UBAP1L: variants seen among roughly 807,000 people sequenced by gnomAD.
The protein encoded by UBAP1L is ubiquitin associated protein 1 like.
A neutral mutation model predicts 32.1 loss-of-function variants in UBAP1L; 32 were observed. The ratio of observed to expected loss-of-function variants is 1.00; its 90% CI spans 0.75 to 1.34. UBAP1L has a LOEUF of 1.34. Among genes scored for constraint, UBAP1L ranks in the 40% most tolerant of loss-of-function variants. UBAP1L has a pLI of 0.00. For missense variants in UBAP1L, 516 were observed against 540.5 expected (o/e 0.95, Z 0.45); for synonymous variants, 243 against 250.2 (o/e 0.97, Z 0.27).
At chr15:65,107,099 C>T (rs939983212) in intron 1 of UBAP1L, among the ~76,000 whole-genome samples, 8 of 151,852 alleles carry the variant, frequency 5.3e-5, no homozygotes, top group Admixed American at 3.9e-4. Context: ...GACTTAACAT[C>T]CCCAAATCAA....
chr15:65,113,675 G>C (rs935959795), intron 1 of UBAP1L, among the ~76,000 whole-genome samples: 4 of 152,104 alleles, frequency 2.6e-5, no homozygotes, highest in African/African-American at 9.7e-5. Context: ...TTGAACCTGG[G>C]AGGCGAAGGT....
Position 65,102,503 on chromosome 15 carries a change from T to G in UBAP1L, c.302A>C (p.His101Pro). Residue 101 changes from histidine (H) to proline (P), a missense_variant, in exon 3 of 6, where the codon CAC (histidine) becomes CCC (proline). His to Pro is a moderately conservative substitution (Grantham distance 77, BLOSUM62 -2). Coordinates refer to ENST00000559089, the MANE Select transcript of UBAP1L (RefSeq NM_001163692.2). This position sits in a 1 kb window ranked among gnomAD's most constrained non-coding sequence, Gnocchi z 5.0. Reference protein sequence around the residue: ...PTTIRDPEAGHQERPEEEGED... With the variant: ...PTTIRDPEAGPQERPEEEGED... ...ACCCTCCTCCTCCGGCCTCTCCTGG[T>G]GTCCGGCCTCCGGGTCTCTGATTGT... The G allele has an allele frequency of 6.8e-7, 1 of 1,467,756 alleles. No homozygotes were observed. The highest frequency in any genetic ancestry group is 9.0e-7 in the Non-Finnish European group (1 of 1,108,424). 90.9% of individuals were successfully genotyped at this position (1,467,756 alleles called of 1,614,324 possible). A position where few individuals can be genotyped will look rare whatever the true frequency, so the allele number is the denominator to read the frequency against.
In UBAP1L at chr15:65,093,526, G is replaced by C. The variant is rs535804451; in HGVS notation, c.1012-295C>G. 1.9e-3 allele frequency among the ~76,000 whole-genome samples: 293 copies of C among 152,326 alleles called. 1 individual carries two copies. The highest frequency in any genetic ancestry group is 6.2e-3 in the African/African-American group (259 of 41,578). On this transcript the variant is annotated intron_variant, in intron 5 of 5. Coordinates refer to ENST00000559089, the MANE Select transcript of UBAP1L (RefSeq NM_001163692.2). The stretch of plus-strand genomic sequence containing the variant: ...GTCAACTTTCTGCTGGGGCAGGAGG[G>C]GGGCAGACCGTACACCTGCACCTGG...
chr15:65,104,232 C>T (rs1003262073), intron 2 of UBAP1L, among the ~76,000 whole-genome samples: 2 of 145,442 alleles, frequency 1.4e-5, no homozygotes, highest in African/African-American at 5.1e-5. Flanking sequence ...CCAGCCTGGG[C>T]GACAAAGCGA....
rs117559589 is a variant in UBAP1L at position 65,094,119 on chromosome 15, A to G, written c.1011+356T>C. ...TAGGCGGCACGCTCCCCAAGTAGAA[A>G]GGTCATGCATCTTTGTGCTGCCCAT... is the stretch of plus-strand genomic sequence containing the variant. On this transcript the variant is annotated intron_variant, in intron 5 of 5. Transcript: ENST00000559089. The surrounding 1 kb of genome is among the most constrained non-coding windows in gnomAD (Gnocchi z 4.2). Among the ~76,000 whole-genome samples, 149 of 152,312 alleles carry G rather than the reference A, an allele frequency of 9.8e-4. No homozygotes were observed. Among genetic ancestry groups the G allele is most frequent in the Non-Finnish European group, 1.6e-3 (111 of 68,016 alleles).
Position 65,093,113 on chromosome 15 carries a change from ACCAG to A in UBAP1L, c.1126_1129del (p.Leu376TrpfsTer17). ...CCTCCGTGGTCACTGGGCACAGGCC[ACCAG>A]CTCCTCCAGGGCTTGCTCTCGGCGG... On this transcript the variant is annotated frameshift_variant, in exon 6 of 6. Coordinates refer to ENST00000559089, the MANE Select transcript of UBAP1L (RefSeq NM_001163692.2). LOFTEE classifies it high-confidence loss of function. 6.5e-7 allele frequency: 1 copy of A among 1,548,914 alleles called. No individual in the cohort carries two copies. The highest frequency in any genetic ancestry group is 8.7e-7 in the Non-Finnish European group (1 of 1,146,490).
At chr15:65,113,662 T>G (rs1230209683) in intron 1 of UBAP1L, among the ~76,000 whole-genome samples, 4 of 152,066 alleles carry the variant, frequency 2.6e-5, no homozygotes, top group African/African-American at 9.7e-5. Flanking sequence ...ACGAGAGAAC[T>G]GCTTGAACCT....
rs1450292477 is a variant in UBAP1L at position 65,093,143 on chromosome 15, T to C, written c.1100A>G (p.Asn367Ser). The C allele has an allele frequency of 2.6e-6, 4 of 1,549,784 alleles. No homozygotes were observed. The highest frequency in any genetic ancestry group is 2.4e-5 in the East Asian group (1 of 40,914). Residue 367 changes from asparagine (N) to serine (S), a missense_variant, in exon 6 of 6, where the codon AAC (asparagine) becomes AGC (serine). Transcript: ENST00000559089. ...CTCCTCCAGGGCTTGCTCTCGGCGG[T>C]TGCCATGGACCAGCAGCACCTCCTT... is the stretch of plus-strand genomic sequence containing the variant. ...RIKEVLLVHG[N>S]RREQALEELV... is the part of the protein sequence containing the mutation.
chr15:65,107,333 CAAA>C (rs1322657058), intron 1 of UBAP1L, among the ~76,000 whole-genome samples: 1 of 100,010 alleles, frequency 1.0e-5, no homozygotes. Flanking sequence ...GATGCTGTCT[CAAA>C]AAAAAAAAGA....
At chr15:65,109,280 G>A (rs2087351418) in intron 1 of UBAP1L, among the ~76,000 whole-genome samples, 2 of 151,622 alleles carry the variant, frequency 1.3e-5, no homozygotes, top group South Asian at 2.1e-4. Flanking sequence ...TCAGGAGATC[G>A]AGACCATTCT....
chr15:65,101,434 T>G (rs1231215765), intron 3 of UBAP1L: 2 of 152,322 alleles, frequency 1.3e-5, no homozygotes. Flanking sequence ...TTCTCCCTGC[T>G]CTTCAGGGTT....
intron 1 of UBAP1L, among the ~76,000 whole-genome samples, chr15:65,108,777 A>AATT (rs1566969076): frequency 2.8e-4 from 42 of 151,182 alleles, no homozygotes; most frequent in African/African-American, 8.5e-4. Context: ...ATAAATAAAT[A>AATT]AATTAAATTT....
chr15:65,107,739 CAAA>C (rs56359277), intron 1 of UBAP1L, among the ~76,000 whole-genome samples: 213 of 94,744 alleles, frequency 2.2e-3, no homozygotes, highest in South Asian at 0.013. Flanking sequence ...AACGCTGTCT[CAAA>C]AAAAAAAAAA....
chr15:65,093,114 C>T lies in UBAP1L; in HGVS notation c.1129G>A (p.Val377Met), dbSNP rs1017925951. The T allele has an allele frequency of 8.4e-6, 13 of 1,549,136 alleles. No individual in the cohort carries two copies. The highest frequency in any genetic ancestry group is 8.7e-6 in the Non-Finnish European group (10 of 1,146,514). The stretch of plus-strand genomic sequence containing the variant: ...CTCCGTGGTCACTGGGCACAGGCCA[C>T]CAGCTCCTCCAGGGCTTGCTCTCGG... ...NRREQALEEL[V>M]ACAQ The change falls in exon 6 of 6, where the codon GTG (valine) becomes ATG (methionine). Residue 377 changes from valine (V) to methionine (M), a missense_variant. Physicochemically the swap from Val to Met is conservative, Grantham distance 21. Transcript: ENST00000559089.
intron 5 of UBAP1L, among the ~76,000 whole-genome samples, chr15:65,093,814 C>T (rs767074059): frequency 8.5e-5 from 13 of 152,182 alleles, no homozygotes; most frequent in Non-Finnish European, 1.5e-4. Context: ...GAGGCCGAGG[C>T]GGGCGGATCA....
chr15:65,096,801 G>A (rs922740418), intron 4 of UBAP1L: 3 of 152,384 alleles, frequency 2.0e-5, no homozygotes, highest in African/African-American at 7.2e-5. Flanking sequence ...TGGAAGGAAA[G>A]GAGTGCTGCA....
chr15:65,101,056 G>A (rs1264565623), intron 3 of UBAP1L: 1 of 152,246 alleles, frequency 6.6e-6, no homozygotes, highest in South Asian at 2.1e-4. Flanking sequence ...GTGAAGGGTT[G>A]TTGGCTCACA....
At chr15:65,109,631 C>G (rs1043480735) in intron 1 of UBAP1L, among the ~76,000 whole-genome samples, 1 of 151,724 alleles carries the variant, frequency 6.6e-6, no homozygotes, top group Non-Finnish European at 1.5e-5. Context: ...ATACAAAGAA[C>G]TTCTATAAAC....
At chr15:65,107,654 G>A (rs1001431811) in intron 1 of UBAP1L, among the ~76,000 whole-genome samples, 3 of 147,306 alleles carry the variant, frequency 2.0e-5, no homozygotes, top group Non-Finnish European at 4.5e-5. Flanking sequence ...CAGGAGAATC[G>A]CTTGAATCTG....
Sources: allele counts gnomAD v4.1 joint callset (sites outside exome capture counted in the v4.1 genomes callset), GRCh38; gene constraint gnomAD v4.1.1; non-coding constraint Gnocchi (gnomAD v3.1); transcripts MANE v1.5; gene names NCBI Gene and HGNC (gene_info 2026-07-23, HGNC 2026-07-21).